The following PLXNA2 variants were observed in gnomAD, a reference collection of about 807,000 sequenced individuals.
The protein encoded by PLXNA2 is plexin-A2.
A neutral mutation model predicts 193.5 loss-of-function variants in PLXNA2; 91 were observed. The observed-to-expected ratio is 0.47, with a 90% CI of 0.40 to 0.56. The LOEUF is 0.56. Among genes scored for constraint, PLXNA2 ranks in the 20% least tolerant of loss-of-function variants. The pLI is 0.00. For missense variants in PLXNA2, 1,995 were observed against 2,503.2 expected (o/e 0.80, Z 4.33); for synonymous variants, 997 against 1,027.3 (o/e 0.97, Z 0.56).
At chr1:208,117,357 G>A (rs1667669424) in intron 4 of PLXNA2, among the ~76,000 whole-genome samples, 1 of 152,152 alleles carries the variant, frequency 6.6e-6, no homozygotes, top group African/African-American at 2.4e-5. Context: ...AGGAACTTGG[G>A]AGGTCACCGC....
rs17187233 is a variant in PLXNA2, at chr1:208,236,360, C to A, written c.-81+7283G>T. On this transcript the variant is annotated intron_variant, in intron 1 of 31. Transcript: ENST00000367033. This position sits in a 1 kb window ranked among gnomAD's most constrained non-coding sequence, Gnocchi z 4.4. ...TACCCAGCCTAGCCGAGGCCTTTCA[C>A]TTTTATGAAGCAGGAAACCACTTCA... is the stretch of plus-strand genomic sequence containing the variant. Among the ~76,000 whole-genome samples the A allele has an allele frequency of 0.16, 25,001 of 152,134 alleles. 2,434 individuals are homozygous for A. The highest frequency in any genetic ancestry group is 0.22 in the Non-Finnish European group (14,675 of 67,954).
At chr1:208,098,456 T>A (rs2405517) in intron 6 of PLXNA2, among the ~76,000 whole-genome samples, 15,216 of 107,940 alleles carry the variant, frequency 0.14, 948 homozygotes, top group East Asian at 0.4. Context: ...TCTCTCTCTC[T>A]CTCACACACA....
intron 4 of PLXNA2, among the ~76,000 whole-genome samples, chr1:208,122,141 T>C (rs1322213820): frequency 6.6e-6 from 1 of 152,194 alleles, no homozygotes; most frequent in Non-Finnish European, 1.5e-5. Flanking sequence ...ATTAGAGTCT[T>C]AATGAAAACC....
At chr1:208,161,315 C>T (rs553458778) in intron 3 of PLXNA2, among the ~76,000 whole-genome samples, 1 of 152,320 alleles carries the variant, frequency 6.6e-6, no homozygotes, top group South Asian at 2.1e-4. Context: ...CACCTCTCCC[C>T]TCACACCAGA....
At chr1:208,045,762 G>T (rs1259401554) in intron 18 of PLXNA2, 116 bp downstream of exon 18, 5 of 1,306,952 alleles carry the variant, frequency 3.8e-6, no homozygotes, top group Non-Finnish European at 5.3e-6. Context: ...AGACAGCTTT[G>T]CAAGTTCAAT....
At chr1:208,045,248 C>T (rs373334777) in intron 18 of PLXNA2, 38 bp from the exon 19 acceptor site, 1 of 1,595,580 alleles carries the variant, frequency 6.3e-7, no homozygotes, top group Non-Finnish European at 8.6e-7. Context: ...ATAATTGACA[C>T]ATGCACGCAC....
Position 208,217,270 on chromosome 1 carries a change from T to A in PLXNA2, c.653A>T (p.His218Leu). The A allele has an allele frequency of 6.2e-7, 1 of 1,613,996 alleles. No homozygotes were observed. The highest frequency in any genetic ancestry group is 8.5e-7 in the Non-Finnish European group (1 of 1,179,972). The change falls in exon 2 of 32, where the codon CAC (histidine) becomes CTC (leucine). Residue 218 changes from histidine (H) to leucine (L), a missense_variant. By Grantham distance (99) the His-to-Leu change is moderately conservative. Coordinates refer to ENST00000367033, the MANE Select transcript of PLXNA2 (RefSeq NM_025179.4). The surrounding 1 kb of genome is among the most constrained non-coding windows in gnomAD (Gnocchi z 4.7). ...GATGAGAGAGGAGACAAAATCGCTG[T>A]GTAGCTCATAGTCGAGCATGGCTGA... is the stretch of plus-strand genomic sequence containing the variant. ...ESSAMLDYEL[H>L]SDFVSSLIKI... is the part of the protein sequence containing the mutation.
chr1:208,118,337 C>T (rs532865724), intron 4 of PLXNA2, among the ~76,000 whole-genome samples: 13 of 152,168 alleles, frequency 8.5e-5, no homozygotes, highest in Non-Finnish European at 1.3e-4. Flanking sequence ...TCTTTTGCAA[C>T]GAAAGTGGCC....
At chr1:208,144,900 C>T (rs551947449) in intron 3 of PLXNA2, among the ~76,000 whole-genome samples, 5 of 151,988 alleles carry the variant, frequency 3.3e-5, no homozygotes, top group African/African-American at 4.8e-5. Context: ...TGGTGTTACA[C>T]GGCTGAGACC....
At chr1:208,216,096 A>G (rs1233947074) in intron 2 of PLXNA2, among the ~76,000 whole-genome samples, 1 of 151,928 alleles carries the variant, frequency 6.6e-6, no homozygotes, top group Non-Finnish European at 1.5e-5. Context: ...CTTCTGATGG[A>G]CCCCATCACC....
intron 12 of PLXNA2, among the ~76,000 whole-genome samples, chr1:208,073,296 A>G (rs554812023): frequency 2.6e-5 from 4 of 152,216 alleles, no homozygotes; most frequent in Non-Finnish European, 5.9e-5. Flanking sequence ...CCTTCTACAC[A>G]GGACACAACT....
intron 4 of PLXNA2, among the ~76,000 whole-genome samples, chr1:208,124,404 C>T (rs1374552764): frequency 6.6e-6 from 1 of 152,138 alleles, no homozygotes; most frequent in African/African-American, 2.4e-5. Context: ...CCAGGCCAGG[C>T]ACGGTGGCTC....
intron 3 of PLXNA2, among the ~76,000 whole-genome samples, chr1:208,184,985 C>A (rs1030033648): frequency 1.3e-5 from 2 of 152,182 alleles, no homozygotes; most frequent in Admixed American, 6.5e-5. Flanking sequence ...GAATTTGGGG[C>A]CATTCTTCCC....
At position 208,077,869 on chromosome 1, in the gene PLXNA2, T is replaced by C. The variant is rs151166434; in HGVS notation, c.2586+1391A>G. On this transcript the variant is annotated intron_variant, in intron 12 of 31. Coordinates refer to ENST00000367033, the MANE Select transcript of PLXNA2 (RefSeq NM_025179.4). ...TGTCTGTGCTCTCCTAACTCCTCTC[T>C]GCACAGATGAATGAGGGCCTGGATG... Among the ~76,000 whole-genome samples the C allele has an allele frequency of 2.0e-5, 3 of 152,288 alleles. No individual in the cohort carries two copies. In the East Asian group the frequency reaches 5.8e-4, roughly 29 times the overall value.
intron 3 of PLXNA2, among the ~76,000 whole-genome samples, chr1:208,189,394 C>T (rs946688061): frequency 5.9e-5 from 9 of 151,970 alleles, no homozygotes; most frequent in African/African-American, 2.2e-4. Context: ...CTGAGCTATA[C>T]ACAGGGCCCC....
chr1:208,090,562 C>T (rs1036789801), intron 9 of PLXNA2, among the ~76,000 whole-genome samples: 2 of 152,142 alleles, frequency 1.3e-5, no homozygotes, highest in African/African-American at 4.8e-5. Context: ...CTCTGGCCTC[C>T]ACACACACCC....
intron 2 of PLXNA2, among the ~76,000 whole-genome samples, chr1:208,211,083 C>T (rs1325893047): frequency 1.3e-5 from 2 of 152,228 alleles, no homozygotes; most frequent in African/African-American, 4.8e-5. Context: ...CGAACAGTAC[C>T]TTATACTTTG....
At chr1:208,196,051 T>C (rs1016155441) in intron 3 of PLXNA2, among the ~76,000 whole-genome samples, 1 of 152,060 alleles carries the variant, frequency 6.6e-6, no homozygotes, top group Non-Finnish European at 1.5e-5. Context: ...AGTGACAAGA[T>C]AACTGAAGGG....
At chr1:208,140,109 C>T (rs1668418697) in intron 4 of PLXNA2, among the ~76,000 whole-genome samples, 1 of 152,080 alleles carries the variant, frequency 6.6e-6, no homozygotes, top group African/African-American at 2.4e-5. Context: ...TTGGTGTAGA[C>T]TGTAACAAGA....
Sources: gnomAD v4.1 joint callset for allele counts (sites outside exome capture counted in the v4.1 genomes callset) on GRCh38, gnomAD v4.1.1 for gene constraint, Gnocchi (gnomAD v3.1) non-coding constraint, MANE v1.5 for transcripts, NCBI Gene and HGNC (gene_info 2026-07-23, HGNC 2026-07-21) for gene names.